The following LLGL2 variants were observed in gnomAD, a reference collection of about 807,000 sequenced individuals.
The protein encoded by LLGL2 is LLGL2, scribble cell polarity complex component.
In LLGL2, 81 loss-of-function variants were observed where a neutral mutation model predicts 123.2. The observed-to-expected ratio is 0.66, with a 90% CI of 0.55 to 0.79. The LOEUF (loss-of-function observed/expected upper bound fraction) is 0.79. LLGL2 is among the 30% of genes least tolerant of loss of function. LLGL2 has a pLI of 0.00. For synonymous variants in LLGL2, 577 were observed against 594.1 expected (o/e 0.97, Z 0.42); for missense variants, 1,273 against 1,414.6 (o/e 0.90, Z 1.61).
rs373938117 is a variant in LLGL2, at chr17:75,573,114, G to A, written c.2561G>A (p.Arg854His). Reference protein sequence around the residue: ...RRVSVAHFGSRRAEDYGEHHL... With the variant: ...RRVSVAHFGSHRAEDYGEHHL... The stretch of plus-strand genomic sequence containing the variant: ...GTCAGCGTGGCCCACTTCGGCAGTC[G>A]TCGAGCCGAGGACTACGGGGAGCAC... Residue 854 changes from arginine to histidine, a missense_variant, in exon 20 of 26, where the codon CGT becomes CAT. By Grantham distance (29) the Arg-to-His change is conservative. Coordinates refer to ENST00000392550, the MANE Select transcript of LLGL2 (RefSeq NM_001031803.2). The A allele has an allele frequency of 6.2e-6, 10 of 1,612,756 alleles. No homozygotes were observed. The highest frequency in any genetic ancestry group is 5.3e-5 in the African/African-American group (4 of 74,904).
At chr17:75,547,305 G>A (rs1025667176) in intron 2 of LLGL2, among the ~76,000 whole-genome samples, 6 of 152,238 alleles carry the variant, frequency 3.9e-5, no homozygotes, top group African/African-American at 1.4e-4. Context: ...CGAGGGCTAT[G>A]TGCCAGGCAT....
chr17:75,548,280 T>A (rs1031579397), intron 2 of LLGL2, among the ~76,000 whole-genome samples: 1 of 42,046 alleles, frequency 2.4e-5, no homozygotes, highest in Non-Finnish European at 5.9e-5. Context: ...TTTTTTTTCC[T>A]TTTTTTTTTT....
Position 75,558,122 on chromosome 17 carries a change from G to T in LLGL2, c.174-33G>T, listed in dbSNP as rs200650788. Reference sequence around the variant, plus strand: ...TCAAGGCAGGCAGGGGATGGTGTCCGACCTTCCAGAGCTTTCCTGAGCCTA... The same window carrying T: ...TCAAGGCAGGCAGGGGATGGTGTCCTACCTTCCAGAGCTTTCCTGAGCCTA... On this transcript the variant is annotated intron_variant, in intron 3 of 25. Coordinates refer to ENST00000392550, the MANE Select transcript of LLGL2 (RefSeq NM_001031803.2). The surrounding 1 kb of genome is among the most constrained non-coding windows in gnomAD (Gnocchi z 4.0). The T allele has an allele frequency of 3.1e-6, 5 of 1,604,642 alleles. No homozygotes were observed. Among genetic ancestry groups the T allele is most frequent in the Non-Finnish European group, 4.3e-6 (5 of 1,171,830 alleles).
chr17:75,566,483 G>T (rs1352508058), intron 10 of LLGL2, among the ~76,000 whole-genome samples: 1 of 152,220 alleles, frequency 6.6e-6, no homozygotes, highest in Admixed American at 6.5e-5. Flanking sequence ...CAGGGGCCAG[G>T]TCAGGGCTCA....
At chr17:75,557,355 G>T (rs540602841) in intron 3 of LLGL2, among the ~76,000 whole-genome samples, 1 of 152,318 alleles carries the variant, frequency 6.6e-6, no homozygotes, top group South Asian at 2.1e-4. Context: ...GCTCTGCCTG[G>T]CAGGGACAGT....
rs1386840450 is a variant in LLGL2 at position 75,525,966 on chromosome 17, C to G, written c.-31+141C>G. The stretch of plus-strand genomic sequence containing the variant: ...GCGCCCAGGTCCGCGCGCCTCGCCC[C>G]TGTCCGCGTCGCTGTGCTGGCCTGG... On this transcript the variant is annotated intron_variant, in intron 1 of 25. Coordinates refer to ENST00000392550, the MANE Select transcript of LLGL2 (RefSeq NM_001031803.2). The surrounding 1 kb of genome is among the most constrained non-coding windows in gnomAD (Gnocchi z 4.8). 1 of 152,252 alleles carries G rather than the reference C, an allele frequency of 6.6e-6. No homozygotes were observed. Among genetic ancestry groups the G allele is most frequent in the Admixed American group, 6.5e-5 (1 of 15,282 alleles). The allele number at this position is 152,252 out of a possible 1,614,324, so 9.4% of individuals were successfully genotyped here.
intron 19 of LLGL2, among the ~76,000 whole-genome samples, chr17:75,572,393 G>T (rs2055757644): frequency 6.6e-6 from 1 of 152,192 alleles, no homozygotes. Flanking sequence ...GCCAGGCGCG[G>T]TGGCTCATGC....
chr17:75,551,619 A>G (rs977916002), intron 2 of LLGL2, among the ~76,000 whole-genome samples: 1 of 152,158 alleles, frequency 6.6e-6, no homozygotes, highest in African/African-American at 2.4e-5. Context: ...GAACAGGAGT[A>G]GTGACTCTGG....
intron 1 of LLGL2, among the ~76,000 whole-genome samples, chr17:75,536,518 C>G (rs1488431797): frequency 2.0e-5 from 3 of 152,216 alleles, no homozygotes; most frequent in Non-Finnish European, 2.9e-5. Flanking sequence ...TACCTCTCCC[C>G]ACTCAGGTTG....
In LLGL2 at chr17:75,558,615, G is replaced by A. The variant is rs373994073; in HGVS notation, c.359G>A (p.Arg120His). ...ELQEDESFTL[R>H]GPPGAAPSAT... Reference sequence around the variant, plus strand: ...CAGGAGGATGAGAGCTTCACACTGCGTGGACCCCCAGGGTAAGGGCTCAAT... The same window carrying A: ...CAGGAGGATGAGAGCTTCACACTGCATGGACCCCCAGGGTAAGGGCTCAAT... The change falls in exon 5 of 26, where the codon CGT becomes CAT. Residue 120 changes from arginine to histidine, a missense_variant. Coordinates refer to ENST00000392550, the MANE Select transcript of LLGL2 (RefSeq NM_001031803.2). The surrounding 1 kb of genome is among the most constrained non-coding windows in gnomAD (Gnocchi z 4.0). 5.0e-6 allele frequency: 8 copies of A among 1,604,186 alleles called. No homozygotes were observed. Among genetic ancestry groups the A allele is most frequent in the African/African-American group, 4.0e-5 (3 of 74,624 alleles).
At chr17:75,528,405 G>T (rs758173343) in intron 1 of LLGL2, among the ~76,000 whole-genome samples, 3 of 151,972 alleles carry the variant, frequency 2.0e-5, no homozygotes, top group Non-Finnish European at 4.4e-5. Flanking sequence ...GTAAGCCACC[G>T]CGCCCGGCCT....
chr17:75,530,487 A>G (rs182198312), intron 1 of LLGL2, among the ~76,000 whole-genome samples: 1 of 152,216 alleles, frequency 6.6e-6, no homozygotes, highest in African/African-American at 2.4e-5. Context: ...TGTCTCTACT[A>G]AAAATACAAA....
chr17:75,546,918 G>A (rs62088551), intron 2 of LLGL2, among the ~76,000 whole-genome samples: 4 of 150,058 alleles, frequency 2.7e-5, no homozygotes, highest in Admixed American at 6.6e-5. Context: ...CACGTGGGCT[G>A]TTGGTGTAGG....
intron 2 of LLGL2, among the ~76,000 whole-genome samples, chr17:75,548,292 T>TAGACGGAGTTTCGCTCTTGTTGCCCGGGC (rs2054517053): frequency 9.6e-6 from 1 of 104,242 alleles, no homozygotes; most frequent in Non-Finnish European, 2.1e-5. Context: ...TTTTTTTTTT[T>TAGACGGAGTTTCGCTCTTGTTGCCCGGGC]TTTGGACGGA....
chr17:75,529,110 C>T (rs952893373), intron 1 of LLGL2, among the ~76,000 whole-genome samples: 6 of 150,172 alleles, frequency 4.0e-5, no homozygotes, highest in Non-Finnish European at 5.9e-5. Context: ...GAGCCGAGAT[C>T]GTGCGATTGC....
intron 1 of LLGL2, among the ~76,000 whole-genome samples, chr17:75,527,665 A>T (rs1052423396): frequency 6.6e-6 from 1 of 151,696 alleles, no homozygotes; most frequent in African/African-American, 2.4e-5. Flanking sequence ...GGATCTCACC[A>T]TATGTTGCCC....
At position 75,562,736 on chromosome 17, in the gene LLGL2, T is replaced by C. The variant is rs1178233772; in HGVS notation, c.531-280T>C. The C allele has an allele frequency of 1.2e-5, 5 of 419,868 alleles. No homozygotes were observed. In the East Asian group the frequency reaches 1.8e-4, roughly 15 times the overall value. The allele number at this position is 419,868 out of a possible 1,614,324, so 26.0% of individuals were successfully genotyped here. On this transcript the variant is annotated intron_variant, in intron 6 of 25. Transcript: ENST00000392550. Reference sequence around the variant, plus strand: ...GCCATGTGCCACCACGCCCAGCTAATGTTTTATATTTTTAGTAGAGACAGG... The same window carrying C: ...GCCATGTGCCACCACGCCCAGCTAACGTTTTATATTTTTAGTAGAGACAGG...
intron 2 of LLGL2, among the ~76,000 whole-genome samples, chr17:75,546,541 G>T (rs575002554): frequency 6.6e-4 from 101 of 152,188 alleles, no homozygotes; most frequent in African/African-American, 2.3e-3. Context: ...AGTTGGGGGA[G>T]CCTTGGGACA....
chr17:75,543,310 G>T, intron 1 of LLGL2, 87 bp from the exon 2 acceptor site: 2 of 889,132 alleles, frequency 2.2e-6, no homozygotes, highest in Non-Finnish European at 3.4e-6. Flanking sequence ...GACTTGGAGA[G>T]AGAGGCCCTG....
Sources: gnomAD v4.1 joint callset for allele counts (sites outside exome capture counted in the v4.1 genomes callset) on GRCh38, gnomAD v4.1.1 for gene constraint, Gnocchi (gnomAD v3.1) non-coding constraint, MANE v1.5 for transcripts, NCBI Gene and HGNC (gene_info 2026-07-23, HGNC 2026-07-21) for gene names.